IFNGR1: variants seen among roughly 807,000 people sequenced by gnomAD.
The protein encoded by IFNGR1 is interferon gamma receptor 1, also known as AVP, type 2.
In IFNGR1, 23 loss-of-function variants were observed where a neutral mutation model predicts 35.4. The ratio of observed to expected loss-of-function variants is 0.65; its 90% CI spans 0.47 to 0.92. The LOEUF is 0.92. Ranked by LOEUF, IFNGR1 falls within the 40% of genes least tolerant of loss-of-function variation. The probability of loss-of-function intolerance (pLI) is 0.00; values close to 1 mark genes in which losing one functional copy is unlikely to be tolerated. For missense variants in IFNGR1, 533 were observed against 583.4 expected (o/e 0.91, Z 0.89); for synonymous variants, 199 against 209.5 (o/e 0.95, Z 0.43).
intron 2 of IFNGR1, 76 bp from the exon 3 acceptor site, chr6:137,206,384 G>A: frequency 8.6e-7 from 1 of 1,162,840 alleles, no homozygotes; most frequent in Non-Finnish European, 1.3e-6. Flanking sequence ...TCTGTGCTTT[G>A]CTTTTTATTC....
chr6:137,200,673 G>A lies in IFNGR1; in HGVS notation c.861+208C>T, dbSNP rs55871506. Among the ~76,000 whole-genome samples the A allele has an allele frequency of 0.017, 2,479 of 148,810 alleles. 211 individuals are homozygous for A. In the South Asian group the frequency reaches 0.27, roughly 16 times the overall value. On this transcript the variant is annotated intron_variant, in intron 6 of 6. Coordinates refer to ENST00000367739, the MANE Select transcript of IFNGR1 (RefSeq NM_000416.3). ...ATCTTTAACAGAATTGTCTCACCGTGTTTTTCCCTGAGAATAAAAAAAAAA... is the reference window on the plus strand; with the variant it reads ...ATCTTTAACAGAATTGTCTCACCGTATTTTTCCCTGAGAATAAAAAAAAAA...
chr6:137,202,244 A>G (rs1390578651), intron 5 of IFNGR1, among the ~76,000 whole-genome samples: 1 of 152,272 alleles, frequency 6.6e-6, no homozygotes, highest in African/African-American at 2.4e-5. Context: ...TGAGGCAAGC[A>G]GGCAGGGCTG....
Position 137,215,172 on chromosome 6 carries a change from C to T in IFNGR1, c.85+4071G>A, listed in dbSNP as rs894865451. 2.2e-5 allele frequency: 32 copies of T among 1,459,862 alleles called. No homozygotes were observed. In the East Asian group the frequency reaches 2.5e-4, roughly 11 times the overall value. 90.4% of individuals were successfully genotyped at this position (1,459,862 alleles called of 1,614,324 possible). ...AGAAAACAAAGGCTTAGAGAAGTTA[C>T]GTAACTTGACAATATGCAAAGTTTT... On this transcript the variant is annotated intron_variant, in intron 1 of 6. Transcript: ENST00000367739.
chr6:137,199,527 T>A (rs1157957078), intron 6 of IFNGR1, among the ~76,000 whole-genome samples: 86 of 90,238 alleles, frequency 9.5e-4, no homozygotes, highest in Non-Finnish European at 1.5e-3. Context: ...ATATTATATA[T>A]AATATATAAT....
intron 1 of IFNGR1, chr6:137,209,726 T>C (rs940192441): frequency 2.5e-6 from 1 of 398,072 alleles, no homozygotes; most frequent in Non-Finnish European, 4.4e-6. Flanking sequence ...AATACAAATG[T>C]CTACAGAGGA....
Position 137,198,705 on chromosome 6 carries a change from A to C in IFNGR1, c.862-66T>G, listed in dbSNP as rs1442644768. On this transcript the variant is annotated intron_variant, in intron 6 of 6. Coordinates refer to ENST00000367739, the MANE Select transcript of IFNGR1 (RefSeq NM_000416.3). ...GCTTAAGTGCCTACCCTCAAAAAAA[A>C]CAAAGGTCTGAAGTAATGGACCACC... is the stretch of plus-strand genomic sequence containing the variant. The C allele has an allele frequency of 1.2e-5, 16 of 1,303,858 alleles. 1 individual carries two copies. The highest frequency in any genetic ancestry group is 3.6e-5 in the South Asian group (3 of 83,770). The allele number at this position is 1,303,858 out of a possible 1,614,324, so 80.8% of individuals were successfully genotyped here.
chr6:137,215,415 C>T, intron 1 of IFNGR1: 1 of 1,343,764 alleles, frequency 7.4e-7, no homozygotes, highest in East Asian at 2.5e-5. Flanking sequence ...TGAATAATTT[C>T]TTAAAAATAC....
At chr6:137,198,680 G>A (rs1281566992) in intron 6 of IFNGR1, 41 bp from the exon 7 acceptor site, 1 of 1,521,994 alleles carries the variant, frequency 6.6e-7, no homozygotes, top group African/African-American at 1.4e-5. Flanking sequence ...AAATTGTTAA[G>A]CTTAAGTGCC....
chr6:137,201,145 C>A, intron 5 of IFNGR1, 137 bp from the exon 6 acceptor site: 1 of 901,572 alleles, frequency 1.1e-6, no homozygotes, highest in South Asian at 1.5e-5. Flanking sequence ...CTGAAGGAAG[C>A]AGAAGTTAGG....
rs1296222804 is a variant in IFNGR1 at position 137,197,872 on chromosome 6, A to C, written c.*159T>G. Reference sequence around the variant, plus strand: ...TGTACTTTACAAGCCAAAAGTGAAAATGCCACACATCCTCTTTACGCTTTC... The same window carrying C: ...TGTACTTTACAAGCCAAAAGTGAAACTGCCACACATCCTCTTTACGCTTTC... On this transcript the variant is annotated 3_prime_UTR_variant, in exon 7 of 7. Coordinates refer to ENST00000367739, the MANE Select transcript of IFNGR1 (RefSeq NM_000416.3). 1.1e-6 allele frequency: 1 copy of C among 911,344 alleles called. No homozygotes were observed. Among genetic ancestry groups the C allele is most frequent in the African/African-American group, 1.7e-5 (1 of 59,632 alleles). 56.5% of individuals were successfully genotyped at this position (911,344 alleles called of 1,614,324 possible).
Position 137,207,122 on chromosome 6 carries a change from A to C in IFNGR1, c.86-45T>G, listed in dbSNP as rs41477052. On this transcript the variant is annotated intron_variant, in intron 1 of 6. Transcript: ENST00000367739. Reference sequence around the variant, plus strand: ...TAAAAGGGACAATTGTAAGAAACTAACATTAATATTGGAAAGCCTTATTGT... The same window carrying C: ...TAAAAGGGACAATTGTAAGAAACTACCATTAATATTGGAAAGCCTTATTGT... The C allele has an allele frequency of 1.6e-3, 2,499 of 1,608,134 alleles. 29 individuals carry two copies. The African/African-American group carries it at 0.029, about 19-fold the overall frequency.
rs781016678 is a variant in IFNGR1 at position 137,198,313 on chromosome 6, C to T, written c.1188G>A (p.Ser396=). 16 of 1,613,000 alleles carry T rather than the reference C, an allele frequency of 9.9e-6. No individual in the cohort carries two copies. Among genetic ancestry groups the T allele is most frequent in the Admixed American group, 5.0e-5 (3 of 59,960 alleles). ...TCTCAGAACAATTTCTGGAGTGATA[C>T]GAGTTTAAAGCGATGCTGCCAGGTT... ...QSEPGSIALN[S]YHSRNCSESD... Residue 396 remains serine (S), a synonymous_variant, in exon 7 of 7, where the codon TCG becomes TCA. Coordinates refer to ENST00000367739, the MANE Select transcript of IFNGR1 (RefSeq NM_000416.3).
intron 1 of IFNGR1, among the ~76,000 whole-genome samples, chr6:137,216,656 T>C (rs1433083552): frequency 1.3e-5 from 2 of 152,184 alleles, no homozygotes; most frequent in Non-Finnish European, 2.9e-5. Flanking sequence ...CAGAGCATTG[T>C]TGGTTTCTTC....
intron 1 of IFNGR1, among the ~76,000 whole-genome samples, chr6:137,209,503 TAGTG>T (rs922771878): frequency 9.9e-5 from 15 of 152,202 alleles, no homozygotes; most frequent in Non-Finnish European, 1.5e-4. Flanking sequence ...AGTCTCGTGA[TAGTG>T]AGTAAGTCTC....
At position 137,200,901 on chromosome 6, in the gene IFNGR1, T is replaced by C. The variant is rs1020351398; in HGVS notation, c.841A>G (p.Ile281Val). The C allele has an allele frequency of 3.8e-6, 6 of 1,599,224 alleles. No individual in the cohort carries two copies. The African/African-American group carries it at 5.4e-5, about 14-fold the overall frequency. Reference protein sequence around the residue: ...KKINPLKEKSIILPKSLISVV... With the variant: ...KKINPLKEKSVILPKSLISVV... Reference sequence around the variant, plus strand: ...ATTACCAAGGACTTGGGTAATATTATGCTTTTTTCCTTCAATGGATTAATT... The same window carrying C: ...ATTACCAAGGACTTGGGTAATATTACGCTTTTTTCCTTCAATGGATTAATT... Residue 281 changes from isoleucine to valine, a missense_variant, in exon 6 of 7, where the codon ATA becomes GTA. By Grantham distance (29) the Ile-to-Val change is conservative (BLOSUM62 3). Transcript: ENST00000367739.
At chr6:137,203,714 GCA>G in intron 4 of IFNGR1, 29 bp from the exon 5 acceptor site, 1 of 1,572,014 alleles carries the variant, frequency 6.4e-7, no homozygotes, top group South Asian at 1.1e-5. Flanking sequence ...CAGTGAAAAT[GCA>G]CAGCTTCTTT....
rs1048748306 is a variant in IFNGR1 at position 137,215,480 on chromosome 6, A to C, written c.85+3763T>G. ...GATTACTATGCATTAGGATAATCTAAAATAAAGGCACCCCTTTAATAAGAA... is the reference window on the plus strand; with the variant it reads ...GATTACTATGCATTAGGATAATCTACAATAAAGGCACCCCTTTAATAAGAA... On this transcript the variant is annotated intron_variant, in intron 1 of 6. Transcript: ENST00000367739. The C allele has an allele frequency of 9.9e-6, 6 of 607,130 alleles. No individual in the cohort carries two copies. In the African/African-American group the frequency reaches 1.1e-4, roughly 11 times the overall value. 37.6% of individuals were successfully genotyped at this position (607,130 alleles called of 1,614,324 possible).
Position 137,197,958 on chromosome 6 carries a change from ATCTT to A in IFNGR1, c.*69_*72del, listed in dbSNP as rs1274033226. ...CTAAGATACAATTTCTGAGATCATA[ATCTT>A]TTCATGAAATTAAAGCAGAAAACTG... On this transcript the variant is annotated 3_prime_UTR_variant, in exon 7 of 7. Transcript: ENST00000367739. The A allele has an allele frequency of 9.4e-6, 15 of 1,599,566 alleles. No individual in the cohort carries two copies. In the African/African-American group the frequency reaches 1.6e-4, roughly 17 times the overall value.
At chr6:137,201,414 C>T (rs1019764719) in intron 5 of IFNGR1, among the ~76,000 whole-genome samples, 3 of 152,170 alleles carry the variant, frequency 2.0e-5, no homozygotes, top group African/African-American at 7.2e-5. Flanking sequence ...GTGGCTCAAG[C>T]CTGTAATCCC....
Sources: gnomAD v4.1 joint callset for allele counts (sites outside exome capture counted in the v4.1 genomes callset) on GRCh38, gnomAD v4.1.1 for gene constraint, MANE v1.5 for transcripts, NCBI Gene and HGNC (gene_info 2026-07-23, HGNC 2026-07-21) for gene names.